IL17RB: variants seen among roughly 807,000 people sequenced by gnomAD.
IL17RB encodes interleukin 17 receptor B, also known as interleukin-17 receptor B.
A neutral mutation model predicts 43.9 loss-of-function variants in IL17RB; 36 were observed. The ratio of observed to expected loss-of-function variants is 0.82; its 90% CI spans 0.63 to 1.08. The LOEUF is 1.08. IL17RB is among the 50% of genes least tolerant of loss of function. IL17RB has a pLI of 0.00. For missense variants in IL17RB, 613 were observed against 613.6 expected (o/e 1.00, Z 0.01); for synonymous variants, 225 against 225.4 (o/e 1.00, Z 0.02).
At chr3:53,850,021 G>A (rs1050415038) in intron 3 of IL17RB, among the ~76,000 whole-genome samples, 1 of 152,186 alleles carries the variant, frequency 6.6e-6, no homozygotes, top group Non-Finnish European at 1.5e-5. Flanking sequence ...GATAAATTCC[G>A]TCACAGCAAC....
rs368785204 is a variant in IL17RB at position 53,858,960 on chromosome 3, A to G, written c.847+142A>G. 3.1e-4 allele frequency: 188 copies of G among 599,626 alleles called. No homozygotes were observed. In the African/African-American group the frequency reaches 3.3e-3, roughly 11 times the overall value. The allele number at this position is 599,626 out of a possible 1,614,324, so 37.1% of individuals were successfully genotyped here. A position where few individuals can be genotyped will look rare whatever the true frequency, so the allele number is the denominator to read the frequency against. On this transcript the variant is annotated intron_variant, in intron 9 of 10. Transcript: ENST00000288167. ...TGTACACTGAACTGGGGTGCAGAGA[A>G]AGCCAACAGTGCTGTCCCAGAGAAC...
At position 53,865,157 on chromosome 3, in the gene IL17RB, CAA is replaced by C. The variant is rs1699739354; in HGVS notation, c.1361_1362del (p.Lys454ArgfsTer53). On this transcript the variant is annotated frameshift_variant, in exon 11 of 11. Coordinates refer to ENST00000288167, the MANE Select transcript of IL17RB (RefSeq NM_018725.4). LOFTEE classifies it low-confidence loss of function (END_TRUNC). ...GTGGTCTACTTTAGAGAGATTGATA[CAA>C]AAGACGATTACAATGCTCTCAGTGT... 1 of 1,614,076 alleles carries C rather than the reference CAA, an allele frequency of 6.2e-7. No individual in the cohort carries two copies. Among genetic ancestry groups the C allele is most frequent in the African/African-American group, 1.3e-5 (1 of 74,918 alleles).
intron 10 of IL17RB, 115 bp downstream of exon 10, chr3:53,860,343 G>C: frequency 1.3e-6 from 1 of 751,560 alleles, no homozygotes; most frequent in East Asian, 2.5e-5. Flanking sequence ...GAGTTAGATA[G>C]CATTTATGTA....
In IL17RB at chr3:53,860,163, T is replaced by G; in HGVS notation, c.881T>G (p.Leu294Arg). ...AAGCCGGGAGGCTGGCTGCCTCTCC[T>G]CCTGCTGTCTCTGCTGGTGGCCACA... ...KSKPGGWLPL[L>R]LLSLLVATWV... Residue 294 changes from leucine to arginine, a missense_variant, in exon 10 of 11, where the codon CTC becomes CGC. Physicochemically the swap from Leu to Arg is moderately radical, Grantham distance 102. Coordinates refer to ENST00000288167, the MANE Select transcript of IL17RB (RefSeq NM_018725.4). 2 of 1,614,132 alleles carry G rather than the reference T, an allele frequency of 1.2e-6. No individual in the cohort carries two copies.
At chr3:53,852,159 T>G (rs756902113) in intron 4 of IL17RB, 33 bp downstream of exon 4, 1 of 1,600,364 alleles carries the variant, frequency 6.2e-7, no homozygotes, top group Non-Finnish European at 8.6e-7. Context: ...TTTTGTTTTT[T>G]GAGATAGCAT....
At chr3:53,853,879 CTTTTA>C (rs886936445) in intron 5 of IL17RB, among the ~76,000 whole-genome samples, 3 of 151,846 alleles carry the variant, frequency 2.0e-5, no homozygotes, top group Non-Finnish European at 2.9e-5. Flanking sequence ...TTTTGGAATT[CTTTTA>C]TTTTATTATT....
At chr3:53,861,258 C>A (rs1699553640) in intron 10 of IL17RB, 2 of 152,004 alleles carry the variant, frequency 1.3e-5, no homozygotes, top group African/African-American at 4.8e-5. Flanking sequence ...GCTGGCAGTG[C>A]TCCCAAGAAG....
rs1699281625 is a variant in IL17RB, at chr3:53,855,033, C to T, written c.482-261C>T. Among the ~76,000 whole-genome samples the T allele has an allele frequency of 2.1e-5, 3 of 144,668 alleles. No homozygotes were observed. In the Admixed American group the frequency reaches 2.2e-4, roughly 11 times the overall value. The allele number at this position is 144,668 out of a possible 152,430, so 94.9% of individuals were successfully genotyped here. ...TCAGGAGCCTGAGGCAGGAGAATGGCGTGAACCTGGGTGGCAGAGCTAGCA... is the reference window on the plus strand; with the variant it reads ...TCAGGAGCCTGAGGCAGGAGAATGGTGTGAACCTGGGTGGCAGAGCTAGCA... On this transcript the variant is annotated intron_variant, in intron 5 of 10. Coordinates refer to ENST00000288167, the MANE Select transcript of IL17RB (RefSeq NM_018725.4).
chr3:53,848,671 A>G lies in IL17RB; in HGVS notation c.68A>G (p.Gln23Arg). 4 of 1,614,114 alleles carry G rather than the reference A, an allele frequency of 2.5e-6. No individual in the cohort carries two copies. The highest frequency in any genetic ancestry group is 3.4e-6 in the Non-Finnish European group (4 of 1,179,974). The change falls in exon 2 of 11, where the codon CAA (glutamine) becomes CGA (arginine). Residue 23 changes from glutamine (Q) to arginine (R), a missense_variant. Transcript: ENST00000288167. ...RSAVPREPTV[Q>R]CGSETGPSPE... ...GTTTTTTCTCTCCCACAGACCGTTC[A>G]ATGTGGCTCTGAAACTGGTAGGTGC... is the stretch of plus-strand genomic sequence containing the variant.
In IL17RB at chr3:53,864,894, T is replaced by C. The variant is rs1436972943; in HGVS notation, c.1095T>C (p.Leu365=). ...ACCATTGCAGAAGTGAGGTCATCCTTGAAAAGTGGCAGAAAAAGAAAATAG... is the reference window on the plus strand; with the variant it reads ...ACCATTGCAGAAGTGAGGTCATCCTCGAAAAGTGGCAGAAAAAGAAAATAG... The part of the protein sequence containing the change: ...LQNHCRSEVI[L]EKWQKKKIAE... The change falls in exon 11 of 11, where the codon CTT becomes CTC. Residue 365 remains leucine (L), a synonymous_variant. Coordinates refer to ENST00000288167, the MANE Select transcript of IL17RB (RefSeq NM_018725.4). 1 of 1,614,180 alleles carries C rather than the reference T, an allele frequency of 6.2e-7. No homozygotes were observed. Among genetic ancestry groups the C allele is most frequent in the Non-Finnish European group, 8.5e-7 (1 of 1,180,032 alleles).
In IL17RB at chr3:53,865,068, C is replaced by A. The variant is rs747392178; in HGVS notation, c.1269C>A (p.Phe423Leu). The A allele has an allele frequency of 6.2e-7, 1 of 1,614,006 alleles. No homozygotes were observed. Among genetic ancestry groups the A allele is most frequent in the Admixed American group, 1.7e-5 (1 of 59,998 alleles). The change falls in exon 11 of 11, where the codon TTC (phenylalanine) becomes TTA (leucine). Residue 423 changes from phenylalanine (F) to leucine (L), a missense_variant. By Grantham distance (22) the Phe-to-Leu change is conservative (BLOSUM62 0). Coordinates refer to ENST00000288167, the MANE Select transcript of IL17RB (RefSeq NM_018725.4). ...CCAGTGAGAACTCTCAAGACCTCTT[C>A]CCCCTTGCCTTTAACCTTTTCTGCA... ...GSPSENSQDL[F>L]PLAFNLFCSD...
At chr3:53,846,779 C>T in intron 1 of IL17RB, 131 bp downstream of exon 1, 1 of 906,892 alleles carries the variant, frequency 1.1e-6, no homozygotes, top group Non-Finnish European at 1.6e-6. Context: ...ATGCCTGCAC[C>T]CTCAGGGCAG....
intron 10 of IL17RB, among the ~76,000 whole-genome samples, chr3:53,864,376 A>C (rs1053620517): frequency 1.3e-5 from 2 of 152,146 alleles, no homozygotes; most frequent in Non-Finnish European, 2.9e-5. Flanking sequence ...CTCTACTAAA[A>C]GTACAAAAAT....
intron 10 of IL17RB, among the ~76,000 whole-genome samples, chr3:53,863,583 T>C (rs887776458): frequency 6.6e-6 from 1 of 152,208 alleles, no homozygotes; most frequent in Non-Finnish European, 1.5e-5. Flanking sequence ...TACAGTAGTT[T>C]CAAACATGGT....
chr3:53,858,037 A>G, intron 8 of IL17RB: 1 of 274,732 alleles, frequency 3.6e-6, no homozygotes, highest in South Asian at 4.4e-5. Flanking sequence ...GGAAGGTTTG[A>G]GTTCCAGGCA....
chr3:53,864,958 A>G lies in IL17RB; in HGVS notation c.1159A>G (p.Lys387Glu), dbSNP rs1240031138. 1.5e-5 allele frequency: 25 copies of G among 1,614,060 alleles called. No individual in the cohort carries two copies. The highest frequency in any genetic ancestry group is 1.9e-5 in the Non-Finnish European group (23 of 1,180,022). The change falls in exon 11 of 11, where the codon AAG becomes GAG. Residue 387 changes from lysine to glutamate, a missense_variant. Physicochemically the swap from Lys to Glu is moderately conservative, Grantham distance 56. Transcript: ENST00000288167. ...AGTGCAGTGGCTTGCCACTCAAAAG[A>G]AGGCAGCAGACAAAGTCGTCTTCCT... Reference protein sequence around the residue: ...GPVQWLATQKKAADKVVFLLS... With the variant: ...GPVQWLATQKEAADKVVFLLS...
At chr3:53,864,472 T>G (rs918180989) in intron 10 of IL17RB, among the ~76,000 whole-genome samples, 142 of 151,882 alleles carry the variant, frequency 9.3e-4, no homozygotes, top group Non-Finnish European at 1.6e-3. Flanking sequence ...GAGGCGGAGG[T>G]TGTAGTCAGC....
chr3:53,855,188 C>A, intron 5 of IL17RB, 106 bp from the exon 6 acceptor site: 2 of 464,980 alleles, frequency 4.3e-6, no homozygotes, highest in Admixed American at 3.7e-5. Flanking sequence ...AATGTTTTGG[C>A]AATTTGTTAC....
intron 6 of IL17RB, among the ~76,000 whole-genome samples, chr3:53,856,360 C>T (rs537017400): frequency 3.6e-4 from 55 of 152,328 alleles, no homozygotes; most frequent in Non-Finnish European, 5.6e-4. Context: ...GAGCCATTTC[C>T]TTCTTTCTTT....
Sources: allele counts gnomAD v4.1 joint callset (sites outside exome capture counted in the v4.1 genomes callset), GRCh38; gene constraint gnomAD v4.1.1; transcripts MANE v1.5; gene names NCBI Gene and HGNC (gene_info 2026-07-23, HGNC 2026-07-21).